Variants in ATF7IP2 observed in about 807,000 individuals in gnomAD.
ATF7IP2 encodes activating transcription factor 7 interacting protein 2.
Under a neutral mutation model 64.2 loss-of-function variants are expected in ATF7IP2, and 42 were observed. That is an observed-to-expected ratio of 0.65 (90% CI 0.51 to 0.85). The LOEUF (loss-of-function observed/expected upper bound fraction) is 0.85, where lower values mean the gene tolerates loss of function less well. ATF7IP2 is among the 40% of genes least tolerant of loss of function. The pLI is 0.00. For synonymous variants in ATF7IP2, 308 were observed against 272.8 expected (o/e 1.13, Z -1.27); for missense variants, 933 against 784.2 (o/e 1.19, Z -2.27).
intron 9 of ATF7IP2, among the ~76,000 whole-genome samples, chr16:10,470,978 G>A (rs1451172739): frequency 6.6e-6 from 1 of 152,070 alleles, no homozygotes; most frequent in Non-Finnish European, 1.5e-5. Flanking sequence ...TAAAGGTGTA[G>A]TATTAAGACA....
chr16:10,429,668 G>A (rs185760273), intron 4 of ATF7IP2, among the ~76,000 whole-genome samples: 1 of 148,246 alleles, frequency 6.7e-6, no homozygotes, highest in East Asian at 2.0e-4. Flanking sequence ...ATTTATTTAA[G>A]CTGGAATGTT....
intron 8 of ATF7IP2, among the ~76,000 whole-genome samples, chr16:10,455,109 G>GA (rs912935984): frequency 6.6e-6 from 1 of 152,140 alleles, no homozygotes. Context: ...ATGGTAGATG[G>GA]AAAAAATGGT....
intron 6 of ATF7IP2, 127 bp downstream of exon 6, chr16:10,433,776 A>G: frequency 9.9e-7 from 1 of 1,014,150 alleles, no homozygotes; most frequent in Non-Finnish European, 1.5e-6. Flanking sequence ...GGTGTGTGAA[A>G]GCCAAATTAT....
At chr16:10,455,133 C>G (rs1340879396) in intron 8 of ATF7IP2, among the ~76,000 whole-genome samples, 2 of 152,148 alleles carry the variant, frequency 1.3e-5, no homozygotes, top group African/African-American at 4.8e-5. Flanking sequence ...TGCAAGATGT[C>G]CATGACCTAA....
chr16:10,387,381 T>A (rs975232282), intron 1 of ATF7IP2: 1 of 152,260 alleles, frequency 6.6e-6, no homozygotes, highest in Non-Finnish European at 1.5e-5. Flanking sequence ...CTCTCAGTCT[T>A]ATCTGCAGAT....
intron 5 of ATF7IP2, among the ~76,000 whole-genome samples, chr16:10,432,091 C>T (rs1213176873): frequency 6.6e-6 from 1 of 150,776 alleles, no homozygotes; most frequent in Non-Finnish European, 1.5e-5. Flanking sequence ...CCCGCCTTGG[C>T]CTCCCAAAGT....
intron 7 of ATF7IP2, among the ~76,000 whole-genome samples, chr16:10,439,937 G>A (rs2048557055): frequency 6.6e-6 from 1 of 151,860 alleles, no homozygotes; most frequent in Non-Finnish European, 1.5e-5. Flanking sequence ...GCAGAGGCAG[G>A]TGGATGCTGG....
intron 7 of ATF7IP2, 43 bp downstream of exon 7, chr16:10,438,278 G>A: frequency 6.4e-7 from 1 of 1,562,276 alleles, no homozygotes. Context: ...GGGAGTAGGG[G>A]GTGTTGTTGC....
chr16:10,394,889 T>TA (rs2047394114), intron 1 of ATF7IP2, among the ~76,000 whole-genome samples: 1 of 151,976 alleles, frequency 6.6e-6, no homozygotes, highest in South Asian at 2.1e-4. Flanking sequence ...AATGCTATAT[T>TA]AAAAAAGACC....
chr16:10,456,311 C>T (rs2049166188), intron 8 of ATF7IP2, among the ~76,000 whole-genome samples: 1 of 152,206 alleles, frequency 6.6e-6, no homozygotes. Context: ...AAGAGGCTCA[C>T]TATCAGAAGA....
At chr16:10,463,320 A>C (rs572057235) in intron 9 of ATF7IP2, among the ~76,000 whole-genome samples, 1 of 152,198 alleles carries the variant, frequency 6.6e-6, no homozygotes, top group African/African-American at 2.4e-5. Flanking sequence ...ATGTCCACAA[A>C]TTTTCGATAC....
intron 8 of ATF7IP2, chr16:10,445,401 G>C (rs1422660202): frequency 1.3e-5 from 2 of 152,204 alleles, no homozygotes; most frequent in Non-Finnish European, 2.9e-5. Flanking sequence ...CACTTGTTTG[G>C]CTATTTGATC....
chr16:10,437,350 C>T (rs2048456441), intron 6 of ATF7IP2, among the ~76,000 whole-genome samples: 1 of 152,164 alleles, frequency 6.6e-6, no homozygotes, highest in Admixed American at 6.6e-5. Context: ...CGTGCTCTAA[C>T]TAGCTGAGCT....
intron 1 of ATF7IP2, chr16:10,386,883 C>A (rs2141717887): frequency 6.6e-6 from 1 of 152,192 alleles, no homozygotes; most frequent in African/African-American, 2.4e-5. Context: ...TTGTTAAAAC[C>A]TTACCGCACT....
chr16:10,401,465 G>A (rs1422963019), intron 1 of ATF7IP2, among the ~76,000 whole-genome samples: 1 of 152,124 alleles, frequency 6.6e-6, no homozygotes, highest in African/African-American at 2.4e-5. Flanking sequence ...ACTGTGCTTG[G>A]CCTGTTATCT....
In ATF7IP2 at chr16:10,457,441, T is replaced by G; in HGVS notation, c.1264T>G (p.Ser422Ala). 1 of 1,607,650 alleles carries G rather than the reference T, an allele frequency of 6.2e-7. No individual in the cohort carries two copies. Among genetic ancestry groups the G allele is most frequent in the Non-Finnish European group, 8.5e-7 (1 of 1,177,520 alleles). ...AGTTAATAGTCCAATTGAAAAGTCTTCTGTGAATTATGAGCCTTCTAACCC... is the reference window on the plus strand; with the variant it reads ...AGTTAATAGTCCAATTGAAAAGTCTGCTGTGAATTATGAGCCTTCTAACCC... The part of the protein sequence containing the change: ...ESVNSPIEKS[S>A]VNYEPSNPSE... Residue 422 changes from serine to alanine, a missense_variant, in exon 9 of 14, where the codon TCT (serine) becomes GCT (alanine). By Grantham distance (99) the Ser-to-Ala change is moderately conservative. Coordinates refer to ENST00000562102, the MANE Select transcript of ATF7IP2 (RefSeq NM_001393719.1).
chr16:10,451,357 G>T (rs991331131), intron 8 of ATF7IP2, among the ~76,000 whole-genome samples: 1 of 152,010 alleles, frequency 6.6e-6, no homozygotes, highest in Non-Finnish European at 1.5e-5. Context: ...TTTGAATGTT[G>T]GCCTGTCTTG....
intron 1 of ATF7IP2, among the ~76,000 whole-genome samples, chr16:10,405,787 G>C (rs183790139): frequency 1.3e-3 from 196 of 152,280 alleles, no homozygotes; most frequent in African/African-American, 4.5e-3. Context: ...GTGTAGGTTT[G>C]TACTGACAAT....
At chr16:10,422,653 C>G (rs1312437467) in intron 3 of ATF7IP2, among the ~76,000 whole-genome samples, 1 of 151,730 alleles carries the variant, frequency 6.6e-6, no homozygotes, top group Non-Finnish European at 1.5e-5. Flanking sequence ...AATGAAATGT[C>G]TGTTCCTGTA....
Sources: gnomAD v4.1 joint callset for allele counts (sites outside exome capture counted in the v4.1 genomes callset) on GRCh38, gnomAD v4.1.1 for gene constraint, MANE v1.5 for transcripts, NCBI Gene and HGNC (gene_info 2026-07-23, HGNC 2026-07-21) for gene names.